The following BIRC2 variants were observed in gnomAD, a reference collection of about 807,000 sequenced individuals.
BIRC2 encodes baculoviral IAP repeat-containing protein 2.
Under a neutral mutation model 60.9 loss-of-function variants are expected in BIRC2, and 18 were observed. The ratio of observed to expected loss-of-function variants is 0.30; its 90% CI spans 0.20 to 0.44. The LOEUF (loss-of-function observed/expected upper bound fraction) is 0.44, where lower values mean the gene tolerates loss of function less well. Among genes scored for constraint, BIRC2 ranks in the 20% least tolerant of loss-of-function variants. BIRC2 has a pLI of 1.00. For missense variants in BIRC2, 701 were observed against 728.5 expected (o/e 0.96, Z 0.43); for synonymous variants, 282 against 247.7 (o/e 1.14, Z -1.30).
rs763060894 is a variant in BIRC2 at position 102,368,315 on chromosome 11, T to C, written c.1133T>C (p.Phe378Ser). The C allele has an allele frequency of 2.5e-6, 4 of 1,611,742 alleles. No individual in the cohort carries two copies. The highest frequency in any genetic ancestry group is 4.5e-5 in the East Asian group (2 of 44,812). ...GTTTCTTTTCAAATAGTTATTCATT[T>C]TGGACCTGGAGAAAGTTCTTCAGAA... ...EENADPPIIH[F>S]GPGESSSEDA... The change falls in exon 6 of 9, where the codon TTT becomes TCT. Residue 378 changes from phenylalanine (F) to serine (S), a missense_variant. Physicochemically the swap from Phe to Ser is radical, Grantham distance 155. This residue lies in a region of BIRC2 where 235 missense variants were observed against 208.9 expected (regional missense o/e 1.12). Coordinates refer to ENST00000227758, the MANE Select transcript of BIRC2 (RefSeq NM_001166.5).
At chr11:102,367,608 T>G (rs1292850229) in intron 5 of BIRC2, among the ~76,000 whole-genome samples, 1 of 152,254 alleles carries the variant, frequency 6.6e-6, no homozygotes, top group Non-Finnish European at 1.5e-5. Flanking sequence ...TAGCATTGAC[T>G]CTTAGCAGAA....
At chr11:102,372,419 G>A (rs953070249) in intron 6 of BIRC2, among the ~76,000 whole-genome samples, 22 of 152,060 alleles carry the variant, frequency 1.4e-4, no homozygotes, top group East Asian at 1.2e-3. Flanking sequence ...CCTTCATTTC[G>A]TTATGTACCC....
intron 6 of BIRC2, among the ~76,000 whole-genome samples, chr11:102,371,665 A>G (rs1420316072): frequency 2.9e-4 from 42 of 146,088 alleles, no homozygotes; most frequent in Non-Finnish European, 1.8e-4. Flanking sequence ...TTGGTATCAG[A>G]ATGATGCTGG....
chr11:102,360,446 A>C (rs542897871), intron 3 of BIRC2, among the ~76,000 whole-genome samples: 18 of 149,642 alleles, frequency 1.2e-4, no homozygotes, highest in African/African-American at 3.9e-4. Context: ...TCTCTATTGC[A>C]TTTTTTGTTG....
At chr11:102,374,875 C>G (rs563322399) in intron 6 of BIRC2, among the ~76,000 whole-genome samples, 1 of 152,174 alleles carries the variant, frequency 6.6e-6, no homozygotes, top group Non-Finnish European at 1.5e-5. Flanking sequence ...CTTGGTTCGC[C>G]GTTTTTTAAG....
chr11:102,374,393 A>G (rs1387460433), intron 6 of BIRC2, among the ~76,000 whole-genome samples: 82 of 147,556 alleles, frequency 5.6e-4, no homozygotes, highest in Middle Eastern at 6.8e-3. Context: ...AACAGACAGG[A>G]CCCTCAGCTG....
At chr11:102,360,154 A>G (rs1174678304) in intron 3 of BIRC2, among the ~76,000 whole-genome samples, 1 of 151,824 alleles carries the variant, frequency 6.6e-6, no homozygotes, top group Non-Finnish European at 1.5e-5. Context: ...TTTAGTAGAG[A>G]CGGGGTTTTG....
intron 5 of BIRC2, among the ~76,000 whole-genome samples, chr11:102,367,303 A>G (rs1951564333): frequency 6.7e-6 from 1 of 148,746 alleles, no homozygotes; most frequent in South Asian, 2.1e-4. Context: ...TATTCCTGTT[A>G]TTTTCTGTTT....
chr11:102,365,030 T>C, intron 5 of BIRC2, among the ~76,000 whole-genome samples: 1 of 152,234 alleles, frequency 6.6e-6, no homozygotes, highest in Admixed American at 6.5e-5. Flanking sequence ...CACCTTACTG[T>C]CAGTTTATAA....
Position 102,349,729 on chromosome 11 carries a change from TAAAG to T in BIRC2, c.-121_-118del. The T allele has an allele frequency of 7.0e-6, 7 of 993,340 alleles. No homozygotes were observed. Among genetic ancestry groups the T allele is most frequent in the Non-Finnish European group, 7.3e-6 (5 of 682,078 alleles). The allele number at this position is 993,340 out of a possible 1,614,324, so 61.5% of individuals were successfully genotyped here. ...TGAATATAAACTGAGATAAATCCAGTAAAGAAAGTGTAGTAAATTCTACATAAGA... is the reference window on the plus strand; with the variant it reads ...TGAATATAAACTGAGATAAATCCAGTAAAGTGTAGTAAATTCTACATAAGA... On this transcript the variant is annotated 5_prime_UTR_variant, in exon 2 of 9. Transcript: ENST00000227758.
At chr11:102,350,778 CATTTT>C in intron 2 of BIRC2, 29 bp downstream of exon 2, 1 of 1,600,992 alleles carries the variant, frequency 6.2e-7, no homozygotes, top group Non-Finnish European at 8.5e-7. Context: ...TACATTTTAT[CATTTT>C]ATTTTAATTT....
In BIRC2 at chr11:102,350,716, G is replaced by A. The variant is rs1951349560; in HGVS notation, c.862G>A (p.Glu288Lys). 1 of 1,609,064 alleles carries A rather than the reference G, an allele frequency of 6.2e-7. No homozygotes were observed. Among genetic ancestry groups the A allele is most frequent in the Non-Finnish European group, 8.5e-7 (1 of 1,177,620 alleles). ...YWPSSVPVQP[E>K]QLASAGFYYV... ...GCCATCTAGTGTTCCAGTTCAGCCT[G>A]AGCAGCTTGCAAGTGCTGGTTTTTA... The change falls in exon 2 of 9, where the codon GAG (glutamate) becomes AAG (lysine). Residue 288 changes from glutamate (E) to lysine (K), a missense_variant. By Grantham distance (56) the Glu-to-Lys change is moderately conservative. Around this residue, in one of 4 missense-constraint regions of BIRC2, gnomAD observed 375 missense variants for 365.9 expected, o/e 1.02. Coordinates refer to ENST00000227758, the MANE Select transcript of BIRC2 (RefSeq NM_001166.5).
intron 3 of BIRC2, among the ~76,000 whole-genome samples, chr11:102,355,273 A>G (rs1227020194): frequency 3.3e-5 from 5 of 152,020 alleles, no homozygotes; most frequent in Non-Finnish European, 2.9e-5. Context: ...TTTCTAGTTA[A>G]TTTTTGTAGG....
intron 5 of BIRC2, among the ~76,000 whole-genome samples, chr11:102,364,172 T>TATATATATATATATATACACATAC (rs1351743517): frequency 1.1e-5 from 1 of 89,706 alleles, no homozygotes; most frequent in East Asian, 3.6e-4. Context: ...TATATATATA[T>TATATATATATATATATACACATAC]ATACACACAC....
intron 6 of BIRC2, among the ~76,000 whole-genome samples, chr11:102,377,170 C>A (rs1314469049): frequency 1.3e-5 from 2 of 151,866 alleles, no homozygotes; most frequent in African/African-American, 4.8e-5. Context: ...AAAGTGCTTA[C>A]AAAAGTAAAA....
chr11:102,368,493 T>C lies in BIRC2; in HGVS notation c.1311T>C (p.Ala437=), dbSNP rs1838235503. The change falls in exon 6 of 9, where the codon GCT becomes GCC. Residue 437 remains alanine (A), a synonymous_variant. Coordinates refer to ENST00000227758, the MANE Select transcript of BIRC2 (RefSeq NM_001166.5). ...VNDIVSALLN[A]EDEKREEEKE... is the part of the protein sequence containing the mutation. ...ATATTGTGTCAGCACTTCTTAATGC[T>C]GAAGATGAAAAAAGAGAAGAGGAGA... The C allele has an allele frequency of 6.2e-7, 1 of 1,613,704 alleles. No homozygotes were observed. The highest frequency in any genetic ancestry group is 8.5e-7 in the Non-Finnish European group (1 of 1,179,886).
At chr11:102,355,251 G>A (rs2135807116) in intron 3 of BIRC2, among the ~76,000 whole-genome samples, 1 of 152,172 alleles carries the variant, frequency 6.6e-6, no homozygotes, top group East Asian at 1.9e-4. Context: ...TTTATGTTTA[G>A]TCTTTAATCC....
chr11:102,352,080 T>C (rs1193384890), intron 3 of BIRC2, among the ~76,000 whole-genome samples: 2 of 151,534 alleles, frequency 1.3e-5, no homozygotes, highest in Non-Finnish European at 2.9e-5. Context: ...CCCAACATCC[T>C]GGCAACCACC....
At chr11:102,354,335 G>C (rs770659913) in intron 3 of BIRC2, among the ~76,000 whole-genome samples, 1 of 152,164 alleles carries the variant, frequency 6.6e-6, no homozygotes, top group African/African-American at 2.4e-5. Context: ...TCAGCCTCTT[G>C]AGTAGCTGAC....
Sources: gnomAD v4.1 joint callset for allele counts (sites outside exome capture counted in the v4.1 genomes callset) on GRCh38, gnomAD v4.1.1 for gene constraint, gnomAD v4.1.1 regional missense constraint, MANE v1.5 for transcripts, NCBI Gene and HGNC (gene_info 2026-07-23, HGNC 2026-07-21) for gene names.